CSMD1: variants seen among roughly 807,000 people sequenced by gnomAD.
CSMD1 encodes the protein CUB and sushi domain-containing protein 1.
In CSMD1, 213 loss-of-function variants were observed where a neutral mutation model predicts 417.5. That is an observed-to-expected ratio of 0.51 (90% CI 0.46 to 0.57). CSMD1 has a LOEUF of 0.57. CSMD1 is among the 20% of genes least tolerant of loss of function. The pLI, the probability that CSMD1 is intolerant of heterozygous loss-of-function variation, is 0.00. For missense variants in CSMD1, 6,923 were observed against 4,529.7 expected (o/e 1.53, Z -15.17); for synonymous variants, 2,862 against 1,736.8 (o/e 1.65, Z -16.11).
At chr8:3,237,530 T>C (rs1298630437) in intron 26 of CSMD1, among the ~76,000 whole-genome samples, 3 of 147,064 alleles carry the variant, frequency 2.0e-5, no homozygotes, top group South Asian at 2.1e-4. Flanking sequence ...AAATATTATA[T>C]ATTTATATAT....
intron 4 of CSMD1, among the ~76,000 whole-genome samples, chr8:4,009,886 C>T (rs1177281147): frequency 6.6e-6 from 1 of 152,072 alleles, no homozygotes; most frequent in East Asian, 1.9e-4. Context: ...CATCCTTTGT[C>T]TTCCTTTACA....
At chr8:3,992,557 C>T (rs928927899) in intron 5 of CSMD1, among the ~76,000 whole-genome samples, 1 of 152,268 alleles carries the variant, frequency 6.6e-6, no homozygotes, top group South Asian at 2.1e-4. Flanking sequence ...GCTGAGCCAG[C>T]AGAATTCCTT....
In CSMD1 at chr8:3,181,174, T is replaced by A. The variant is rs780720709; in HGVS notation, c.5661A>T (p.Gln1887His). The A allele has an allele frequency of 2.5e-6, 4 of 1,613,474 alleles. No homozygotes were observed. The East Asian group carries it at 8.9e-5, about 36-fold the overall frequency. ...TGTCAGACTGGAAATGCAGGTAGAG[T>A]TGGTTGGAAGTACTGTTCAGCAGTG... ...VPALLNSTSNQLYLHFQSDIS... is the reference protein window; with the variant it reads ...VPALLNSTSNHLYLHFQSDIS... Residue 1887 changes from glutamine (Q) to histidine (H), a missense_variant, in exon 37 of 70, where the codon CAA becomes CAT. By Grantham distance (24) the Gln-to-His change is conservative. Coordinates refer to ENST00000635120, the MANE Select transcript of CSMD1 (RefSeq NM_033225.6).
At chr8:3,371,327 T>G (rs1393141541) in intron 18 of CSMD1, among the ~76,000 whole-genome samples, 1 of 152,176 alleles carries the variant, frequency 6.6e-6, no homozygotes, top group Admixed American at 6.5e-5. Context: ...TTCCATGGCC[T>G]CACATGTAAA....
intron 3 of CSMD1, among the ~76,000 whole-genome samples, chr8:4,239,185 CTTACA>C (rs1036113561): frequency 2.6e-5 from 4 of 152,188 alleles, no homozygotes; most frequent in African/African-American, 7.2e-5. Context: ...GAACTATCTT[CTTACA>C]TTAGAGATAC....
intron 11 of CSMD1, among the ~76,000 whole-genome samples, chr8:3,491,401 A>G (rs987521328): frequency 2.6e-5 from 4 of 152,220 alleles, no homozygotes; most frequent in Non-Finnish European, 5.9e-5. Flanking sequence ...GGTAAAATGT[A>G]TTATGCATTT....
intron 10 of CSMD1, among the ~76,000 whole-genome samples, chr8:3,507,131 A>G (rs920974288): frequency 6.6e-6 from 1 of 152,208 alleles, no homozygotes; most frequent in African/African-American, 2.4e-5. Flanking sequence ...TTGAATAAAC[A>G]GAATTTACAT....
At chr8:4,500,630 A>T (rs2130279410) in intron 2 of CSMD1, among the ~76,000 whole-genome samples, 1 of 152,170 alleles carries the variant, frequency 6.6e-6, no homozygotes, top group Admixed American at 6.6e-5. Flanking sequence ...TGAGCGGGAG[A>T]GAGGGACGAA....
At chr8:4,052,882 G>A (rs1374651937) in intron 3 of CSMD1, among the ~76,000 whole-genome samples, 1 of 152,134 alleles carries the variant, frequency 6.6e-6, no homozygotes, top group African/African-American at 2.4e-5. Context: ...CAATGCAGTA[G>A]TCCATAGACC....
intron 22 of CSMD1, among the ~76,000 whole-genome samples, chr8:3,344,160 T>A (rs1807838675): frequency 6.6e-6 from 1 of 152,172 alleles, no homozygotes; most frequent in African/African-American, 2.4e-5. Context: ...GAAGGTTCAG[T>A]CATGGGTTCC....
intron 18 of CSMD1, among the ~76,000 whole-genome samples, chr8:3,384,219 C>G (rs763914312): frequency 3.3e-5 from 5 of 152,046 alleles, no homozygotes; most frequent in Non-Finnish European, 7.4e-5. Context: ...AAATGGTTGT[C>G]TGAGAGATAG....
At chr8:4,425,123 G>C (rs558016061) in intron 2 of CSMD1, among the ~76,000 whole-genome samples, 1 of 152,032 alleles carries the variant, frequency 6.6e-6, no homozygotes, top group Non-Finnish European at 1.5e-5. Flanking sequence ...TAATGTGATA[G>C]CACTTAATTA....
At chr8:3,658,303 T>C (rs1563242586) in intron 7 of CSMD1, among the ~76,000 whole-genome samples, 4 of 152,062 alleles carry the variant, frequency 2.6e-5, no homozygotes, top group African/African-American at 9.7e-5. Context: ...GTATAAACAA[T>C]GGATTTAGCA....
intron 9 of CSMD1, among the ~76,000 whole-genome samples, chr8:3,579,759 C>T (rs1305146392): frequency 6.6e-6 from 1 of 152,126 alleles, no homozygotes; most frequent in Non-Finnish European, 1.5e-5. Context: ...CTTATGATTG[C>T]TCTAAGGATT....
chr8:4,340,798 T>TTAAC (rs1397720412), intron 3 of CSMD1, among the ~76,000 whole-genome samples: 1 of 151,990 alleles, frequency 6.6e-6, no homozygotes, highest in Admixed American at 6.6e-5. Context: ...TTCTAGAGAG[T>TTAAC]TAACTATGCT....
rs547165247 is a variant in CSMD1, at chr8:4,292,877, G to T, written c.415+127076C>A. On this transcript the variant is annotated intron_variant, in intron 3 of 69. Transcript: ENST00000635120. ...AATATTTAATGGGTTAATTTAAAAG[G>T]CTTTTTGTAAAGAGATAATTTGTTA... is the stretch of plus-strand genomic sequence containing the variant. 3.3e-5 allele frequency among the ~76,000 whole-genome samples: 5 copies of T among 152,230 alleles called. No homozygotes were observed. In the South Asian group the frequency reaches 1.0e-3, roughly 32 times the overall value.
intron 5 of CSMD1, among the ~76,000 whole-genome samples, chr8:3,877,065 T>C (rs112883494): frequency 1.3e-5 from 2 of 152,212 alleles, no homozygotes; most frequent in Non-Finnish European, 2.9e-5. Context: ...GTAACCACAA[T>C]GTCTTAAGGT....
intron 3 of CSMD1, among the ~76,000 whole-genome samples, chr8:4,090,380 T>C (rs1198170225): frequency 6.6e-6 from 1 of 152,138 alleles, no homozygotes; most frequent in Non-Finnish European, 1.5e-5. Context: ...AAGTGTCAGA[T>C]TTTCCACTCT....
In CSMD1 at chr8:3,796,268, G is replaced by GATATATATCTATCATGTATAGAT. The variant is rs1800113502; in HGVS notation, c.819-42249_819-42227dup. Among the ~76,000 whole-genome samples, 2 of 25,076 alleles carry GATATATATCTATCATGTATAGAT rather than the reference G, an allele frequency of 8.0e-5. 1 individual carries two copies. The highest frequency in any genetic ancestry group is 9.6e-4 in the Admixed American group (2 of 2,094). 16.5% of individuals were successfully genotyped at this position (25,076 alleles called of 152,430 possible). A position where few individuals can be genotyped will look rare whatever the true frequency, so the allele number is the denominator to read the frequency against. ...TATATATCTATCATGTATAGATATA[G>GATATATATCTATCATGTATAGAT]ATATATATCTATCATGTATAGATAT... On this transcript the variant is annotated intron_variant, in intron 5 of 69. Coordinates refer to ENST00000635120, the MANE Select transcript of CSMD1 (RefSeq NM_033225.6).
Sources: allele counts gnomAD v4.1 joint callset (sites outside exome capture counted in the v4.1 genomes callset), GRCh38; gene constraint gnomAD v4.1.1; transcripts MANE v1.5; gene names NCBI Gene and HGNC (gene_info 2026-07-23, HGNC 2026-07-21).